The following FANCC variants were observed in gnomAD, a reference collection of about 807,000 sequenced individuals.
The protein encoded by FANCC is FA complementation group C, also known as Fanconi anemia group C protein.
Under a neutral mutation model 71.3 loss-of-function variants are expected in FANCC, and 55 were observed. The observed-to-expected ratio is 0.77, with a 90% CI of 0.62 to 0.97. The LOEUF (loss-of-function observed/expected upper bound fraction) is 0.97, where lower values mean the gene tolerates loss of function less well. Ranked by LOEUF, FANCC falls within the 50% of genes least tolerant of loss-of-function variation. The pLI is 0.00. For missense variants in FANCC, 678 were observed against 670.9 expected, an observed-to-expected ratio of 1.01 and a Z score of -0.12; for synonymous variants, 275 against 244.9, an observed-to-expected ratio of 1.12 and a Z score of -1.15.
At chr9:95,144,476 G>C (rs1829244148) in intron 7 of FANCC, among the ~76,000 whole-genome samples, 1 of 152,212 alleles carries the variant, frequency 6.6e-6, no homozygotes, top group Non-Finnish European at 1.5e-5. Context: ...GCGTCCCTCT[G>C]AGCACTGTGC....
chr9:95,108,576 A>ATAAC (rs758333409), intron 13 of FANCC, among the ~76,000 whole-genome samples: 1 of 152,242 alleles, frequency 6.6e-6, no homozygotes, highest in Admixed American at 6.5e-5. Flanking sequence ...TTGAACACCG[A>ATAAC]TAACTAACTT....
intron 10 of FANCC, among the ~76,000 whole-genome samples, chr9:95,117,816 C>T (rs1271718680): frequency 2.6e-5 from 4 of 151,742 alleles, no homozygotes; most frequent in South Asian, 2.1e-4. Context: ...CTCTGGCTCC[C>T]GGGTTCAAGC....
chr9:95,123,765 AAGT>A, intron 10 of FANCC: 1 of 699,528 alleles, frequency 1.4e-6, no homozygotes, highest in Non-Finnish European at 2.7e-6. Flanking sequence ...ATTCACAGCA[AAGT>A]AGTCAGGAAT....
intron 4 of FANCC, among the ~76,000 whole-genome samples, chr9:95,193,662 T>G (rs764399488): frequency 1.3e-5 from 2 of 152,162 alleles, no homozygotes; most frequent in Non-Finnish European, 2.9e-5. Context: ...ATACTACAGG[T>G]TGGTGCAAAA....
intron 4 of FANCC, among the ~76,000 whole-genome samples, chr9:95,238,402 G>A (rs940384487): frequency 2.2e-4 from 33 of 151,744 alleles, no homozygotes; most frequent in Non-Finnish European, 4.1e-4. Flanking sequence ...CTTATAAATC[G>A]GGCCCCCTTC....
At chr9:95,103,770 C>T (rs1327746786) in intron 14 of FANCC, among the ~76,000 whole-genome samples, 7 of 152,310 alleles carry the variant, frequency 4.6e-5, no homozygotes, top group East Asian at 1.9e-4. Flanking sequence ...GAGCCCACTG[C>T]GCAGAGCTCA....
intron 4 of FANCC, among the ~76,000 whole-genome samples, chr9:95,238,542 T>A (rs1233055746): frequency 6.0e-4 from 91 of 152,032 alleles, no homozygotes; most frequent in Non-Finnish European, 8.8e-5. Context: ...CTACATGATA[T>A]CTCTGGCTTT....
intron 3 of FANCC, among the ~76,000 whole-genome samples, chr9:95,246,386 A>T (rs1467486027): frequency 4.6e-5 from 7 of 152,264 alleles, no homozygotes; most frequent in Admixed American, 1.3e-4. Flanking sequence ...AATGATTATG[A>T]CAACCTATAA....
intron 7 of FANCC, 66 bp from the exon 8 acceptor site, chr9:95,135,568 AGT>A: frequency 7.0e-7 from 1 of 1,437,308 alleles, no homozygotes; most frequent in Non-Finnish European, 9.7e-7. Context: ...GATTAAAAAA[AGT>A]TCAAAATGCA....
intron 1 of FANCC, among the ~76,000 whole-genome samples, chr9:95,274,295 T>C (rs1232458064): frequency 1.3e-5 from 2 of 152,166 alleles, no homozygotes; most frequent in Non-Finnish European, 2.9e-5. Context: ...TGTTCCTGTA[T>C]TAGTTTGCTG....
intron 1 of FANCC, among the ~76,000 whole-genome samples, chr9:95,280,778 T>C (rs556102460): frequency 6.6e-6 from 1 of 152,182 alleles, no homozygotes; most frequent in Non-Finnish European, 1.5e-5. Context: ...ATACTTGTTT[T>C]AAGGAAATTT....
intron 3 of FANCC, among the ~76,000 whole-genome samples, chr9:95,247,185 C>T (rs1351681122): frequency 6.6e-6 from 1 of 151,584 alleles, no homozygotes; most frequent in Non-Finnish European, 1.5e-5. Context: ...CTCTATTTTC[C>T]TGAAGATCTG....
At chr9:95,131,178 G>A (rs1564673850) in intron 8 of FANCC, among the ~76,000 whole-genome samples, 1 of 152,144 alleles carries the variant, frequency 6.6e-6, no homozygotes, top group African/African-American at 2.4e-5. Flanking sequence ...AACTTAACAA[G>A]TACCAAATGT....
At chr9:95,301,595 T>C (rs371880645) in intron 1 of FANCC, among the ~76,000 whole-genome samples, 7 of 152,126 alleles carry the variant, frequency 4.6e-5, no homozygotes, top group African/African-American at 1.7e-4. Context: ...GCCCAGCTAA[T>C]TCTTTTTTTC....
chr9:95,159,081 G>A (rs1318939327), intron 6 of FANCC, among the ~76,000 whole-genome samples: 2 of 151,102 alleles, frequency 1.3e-5, no homozygotes, highest in African/African-American at 2.4e-5. Flanking sequence ...CATGCACAAC[G>A]TGCAGGTTTG....
At chr9:95,222,951 T>A (rs1046811486) in intron 4 of FANCC, among the ~76,000 whole-genome samples, 3 of 152,232 alleles carry the variant, frequency 2.0e-5, no homozygotes, top group African/African-American at 7.2e-5. Flanking sequence ...TATGCTATAA[T>A]TTGTTATACC....
At chr9:95,304,749 CAAAAAAAAAAAA>C (rs35105777) in intron 1 of FANCC, among the ~76,000 whole-genome samples, 13 of 44,486 alleles carry the variant, frequency 2.9e-4, no homozygotes, top group Non-Finnish European at 5.2e-4. Flanking sequence ...GACTCTATCT[CAAAAAAAAAAAA>C]AAAAAAAAAA....
chr9:95,280,791 C>T (rs1252400650), intron 1 of FANCC, among the ~76,000 whole-genome samples: 1 of 152,034 alleles, frequency 6.6e-6, no homozygotes, highest in Non-Finnish European at 1.5e-5. Flanking sequence ...GGAAATTTGG[C>T]TAACTTCAAT....
chr9:95,111,424 A>G (rs2071921542), intron 13 of FANCC, 39 bp downstream of exon 13: 1 of 1,602,526 alleles, frequency 6.2e-7, no homozygotes, highest in Non-Finnish European at 8.5e-7. Flanking sequence ...AGCCCCCCAG[A>G]GCCCACCCCA....
Sources: allele counts gnomAD v4.1 joint callset (sites outside exome capture counted in the v4.1 genomes callset), GRCh38; gene constraint gnomAD v4.1.1; transcripts MANE v1.5; gene names NCBI Gene and HGNC (gene_info 2026-07-23, HGNC 2026-07-21).